Variants in ZBTB17 observed in about 807,000 individuals in gnomAD.
ZBTB17 encodes the protein zinc finger and BTB domain-containing protein 17.
ZBTB17 carries 24 observed loss-of-function variants against 85.1 expected under a neutral mutation model. The ratio of observed to expected loss-of-function variants is 0.28; its 90% CI spans 0.20 to 0.40. ZBTB17 has a LOEUF of 0.40. Among genes scored for constraint, ZBTB17 ranks in the 10% least tolerant of loss-of-function variants. ZBTB17 has a pLI of 1.00. For missense variants in ZBTB17, 743 were observed against 1,105.1 expected (o/e 0.67, Z 4.65); for synonymous variants, 464 against 460.2 (o/e 1.01, Z -0.11).
chr1:15,975,350 G>T (rs780074425), intron 1 of ZBTB17, among the ~76,000 whole-genome samples: 21 of 152,172 alleles, frequency 1.4e-4, no homozygotes, highest in Non-Finnish European at 2.4e-4. Flanking sequence ...TCACAGCAGG[G>T]AATGGGGATT....
At chr1:15,969,720 C>T in intron 2 of ZBTB17, 1 of 482,982 alleles carries the variant, frequency 2.1e-6, no homozygotes, top group Non-Finnish European at 4.1e-6. Context: ...GGCTCAACAC[C>T]AGGGAGTCTG....
chr1:15,965,129 A>G (rs1170514660), intron 2 of ZBTB17, among the ~76,000 whole-genome samples: 1 of 151,944 alleles, frequency 6.6e-6, no homozygotes, highest in East Asian at 1.9e-4. Context: ...AAAAAAAAAA[A>G]GAATTTCTGC....
intron 2 of ZBTB17, among the ~76,000 whole-genome samples, chr1:15,955,610 A>C (rs1170730174): frequency 6.6e-6 from 1 of 152,222 alleles, no homozygotes; most frequent in Non-Finnish European, 1.5e-5. Context: ...TATAAAATGC[A>C]GTTATGATGC....
At chr1:15,942,288 C>A (rs371676489) in intron 15 of ZBTB17, 36 bp from the exon 16 acceptor site, 3 of 1,613,724 alleles carry the variant, frequency 1.9e-6, no homozygotes, top group East Asian at 4.5e-5. Context: ...GTGGGAAGGA[C>A]CCCGGGCTCT....
chr1:15,971,802 G>A (rs936509755), intron 2 of ZBTB17, among the ~76,000 whole-genome samples: 1 of 151,932 alleles, frequency 6.6e-6, no homozygotes, highest in African/African-American at 2.4e-5. Context: ...AGGAAACTGA[G>A]GCTCAGCAAT....
Position 15,975,559 on chromosome 1 carries a change from C to G in ZBTB17, c.-90+424G>C, listed in dbSNP as rs879352755. ...CTCCTCTGTCAGCTCCTCCTAGGCC[C>G]GGGCAGCCCCGCTCCCTCCCGCCCC... On this transcript the variant is annotated intron_variant, in intron 1 of 15. Transcript: ENST00000375743. Among the ~76,000 whole-genome samples the G allele has an allele frequency of 4.6e-5, 7 of 152,340 alleles. No individual in the cohort carries two copies. The South Asian group carries it at 1.2e-3, about 27-fold the overall frequency.
At chr1:15,956,108 A>G (rs2148787527) in intron 2 of ZBTB17, among the ~76,000 whole-genome samples, 1 of 152,342 alleles carries the variant, frequency 6.6e-6, no homozygotes, top group East Asian at 1.9e-4. Flanking sequence ...CTTCCTGCCA[A>G]AAAGACAAAA....
chr1:15,948,537 A>G (rs755294017), intron 2 of ZBTB17, 40 bp from the exon 3 acceptor site: 3 of 1,592,286 alleles, frequency 1.9e-6, no homozygotes, highest in Non-Finnish European at 2.6e-6. Flanking sequence ...GCACGGAGAA[A>G]GGACGTCAGA....
chr1:15,974,197 A>C (rs1312717826), intron 1 of ZBTB17, among the ~76,000 whole-genome samples: 6 of 148,536 alleles, frequency 4.0e-5, no homozygotes, highest in Admixed American at 1.4e-4. Context: ...TCTCAAAAAA[A>C]AAAAACAAAA....
chr1:15,975,162 T>A lies in ZBTB17; in HGVS notation c.-90+821A>T, dbSNP rs1187664614. 2.0e-5 allele frequency among the ~76,000 whole-genome samples: 3 copies of A among 152,184 alleles called. No individual in the cohort carries two copies. The East Asian group carries it at 5.8e-4, about 29-fold the overall frequency. On this transcript the variant is annotated intron_variant, in intron 1 of 15. Transcript: ENST00000375743. The stretch of plus-strand genomic sequence containing the variant: ...CCCACATGGGTCTCTGAGCTCTGGG[T>A]GACAATGGTGATACAATTAATAACA...
chr1:15,944,474 G>C lies in ZBTB17; in HGVS notation c.1197C>G (p.Phe399Leu). ...RYRCEDCGKL[F>L]TTSGNLKRHQ... The stretch of plus-strand genomic sequence containing the variant: ...GGCGCTTGAGGTTGCCCGAGGTGGT[G>C]AAGAGCTTGCCGCAGTCCTCGCAGC... The change falls in exon 9 of 16, where the codon TTC (phenylalanine) becomes TTG (leucine). Residue 399 changes from phenylalanine to leucine, a missense_variant. By Grantham distance (22) the Phe-to-Leu change is conservative. Around this residue, in one of 4 missense-constraint regions of ZBTB17, gnomAD observed 321 missense variants for 615.7 expected, o/e 0.52. Transcript: ENST00000375743. 1 of 1,576,976 alleles carries C rather than the reference G, an allele frequency of 6.3e-7. No homozygotes were observed. The highest frequency in any genetic ancestry group is 8.6e-7 in the Non-Finnish European group (1 of 1,162,694).
intron 2 of ZBTB17, among the ~76,000 whole-genome samples, chr1:15,969,281 A>C (rs998246055): frequency 6.6e-6 from 1 of 152,190 alleles, no homozygotes; most frequent in Non-Finnish European, 1.5e-5. Flanking sequence ...CTGACTCTAC[A>C]TGATGGTGAG....
intron 2 of ZBTB17, among the ~76,000 whole-genome samples, chr1:15,960,295 TTTC>T (rs768981746): frequency 5.3e-5 from 8 of 152,164 alleles, no homozygotes; most frequent in South Asian, 2.1e-4. Flanking sequence ...ATGACAAAAG[TTTC>T]TTCTTCATAA....
chr1:15,957,121 G>A (rs1206932016), intron 2 of ZBTB17, among the ~76,000 whole-genome samples: 1 of 151,072 alleles, frequency 6.6e-6, no homozygotes, highest in Non-Finnish European at 1.5e-5. Context: ...AGAGGTTGCA[G>A]TGAGCCAAGA....
chr1:15,974,761 G>T (rs2072802404), intron 1 of ZBTB17, among the ~76,000 whole-genome samples: 1 of 151,962 alleles, frequency 6.6e-6, no homozygotes, highest in Admixed American at 6.6e-5. Context: ...TTTTAGTAGA[G>T]ACGGGGGTTT....
At chr1:15,944,143 G>T (rs762585586) in intron 9 of ZBTB17, 157 bp downstream of exon 9, 1 of 1,201,856 alleles carries the variant, frequency 8.3e-7, no homozygotes, top group East Asian at 2.5e-5. Context: ...GAGCTCCCCC[G>T]CGGAAGTGGC....
chr1:15,967,219 CAG>C (rs2072473903), intron 2 of ZBTB17, among the ~76,000 whole-genome samples: 1 of 146,672 alleles, frequency 6.8e-6, no homozygotes, highest in African/African-American at 2.5e-5. Context: ...CCACAAAAAA[CAG>C]AAAAATTAGC....
At chr1:15,971,533 ATATATATACACACACAC>A (rs1442632992) in intron 2 of ZBTB17, among the ~76,000 whole-genome samples, 37 of 141,910 alleles carry the variant, frequency 2.6e-4, no homozygotes, top group Non-Finnish European at 4.1e-4. Context: ...CACACACACT[ATATATATACACACACAC>A]TATATATATA....
chr1:15,942,300 C>T, intron 15 of ZBTB17, 31 bp downstream of exon 15: 4 of 1,613,838 alleles, frequency 2.5e-6, no homozygotes, highest in Non-Finnish European at 3.4e-6. Context: ...CCGGGCTCTG[C>T]CCACATTCAC....
Sources: gnomAD v4.1 joint callset for allele counts (sites outside exome capture counted in the v4.1 genomes callset) on GRCh38, gnomAD v4.1.1 for gene constraint, gnomAD v4.1.1 regional missense constraint, MANE v1.5 for transcripts, NCBI Gene and HGNC (gene_info 2026-07-23, HGNC 2026-07-21) for gene names.